Variants in AJUBA observed in about 807,000 individuals in gnomAD.
The protein encoded by AJUBA is ajuba LIM protein.
In AJUBA, 20 loss-of-function variants were observed where a neutral mutation model predicts 53.3. The observed-to-expected ratio is 0.38, with a 90% CI of 0.26 to 0.55. The LOEUF (loss-of-function observed/expected upper bound fraction) is 0.55. AJUBA is among the 20% of genes least tolerant of loss of function. The pLI is 0.80. For synonymous variants in AJUBA, 296 were observed against 306.2 expected, an observed-to-expected ratio of 0.97 and a Z score of 0.35; for missense variants, 580 against 730.5, an observed-to-expected ratio of 0.79 and a Z score of 2.38.
intron 1 of AJUBA, chr14:22,980,542 G>A (rs2045077022): frequency 5.2e-6 from 5 of 968,622 alleles, no homozygotes; most frequent in Non-Finnish European, 6.1e-6. Context: ...CTGACTTCCG[G>A]AGGATGGGGA....
At chr14:22,978,840 C>T in intron 1 of AJUBA, 2 of 1,249,494 alleles carry the variant, frequency 1.6e-6, no homozygotes, top group South Asian at 1.4e-5. Context: ...CACAGGTGCT[C>T]AGCAGCAGAC....
intron 1 of AJUBA, chr14:22,978,664 T>C: frequency 7.6e-7 from 1 of 1,324,290 alleles, no homozygotes; most frequent in Non-Finnish European, 9.7e-7. Context: ...TTTCTGAGCA[T>C]CTGTTTTGTG....
In AJUBA at chr14:22,981,555, G is replaced by A. The variant is rs1386211856; in HGVS notation, c.712C>T (p.Pro238Ser). ...ACTCCGGCCCCGGCTAGAGCTCCAG[G>A]GCTGCCCAGGGCCGGGGGATACGAG... ...RHSYPPALGS[P>S]GALAGAGVGA... The change falls in exon 1 of 8, where the codon CCT (proline) becomes TCT (serine). Residue 238 changes from proline (P) to serine (S), a missense_variant. This residue lies in a region of AJUBA where 430 missense variants were observed against 471.5 expected (regional missense o/e 0.91). Transcript: ENST00000262713. 3 of 1,579,124 alleles carry A rather than the reference G, an allele frequency of 1.9e-6. No individual in the cohort carries two copies. The highest frequency in any genetic ancestry group is 2.6e-6 in the Non-Finnish European group (3 of 1,166,832).
In AJUBA at chr14:22,982,547, C is replaced by A. The variant is rs1316928169; in HGVS notation, c.-281G>T. The A allele has an allele frequency of 8.1e-5, 105 of 1,291,640 alleles. No homozygotes were observed. Among genetic ancestry groups the A allele is most frequent in the Non-Finnish European group, 9.8e-5 (100 of 1,018,532 alleles). 80.0% of individuals were successfully genotyped at this position (1,291,640 alleles called of 1,614,324 possible). ...CTATCTGTTCACGCGTCGACTCGCC[C>A]GACTGCCCCACTCTCCCCGGCCCCC... On this transcript the variant is annotated 5_prime_UTR_variant, in exon 1 of 8. Coordinates refer to ENST00000262713, the MANE Select transcript of AJUBA (RefSeq NM_032876.6).
At position 22,981,379 on chromosome 14, in the gene AJUBA, T is replaced by C; in HGVS notation, c.888A>G (p.Gly296=). 1 of 1,613,002 alleles carries C rather than the reference T, an allele frequency of 6.2e-7. No homozygotes were observed. Among genetic ancestry groups the C allele is most frequent in the Non-Finnish European group, 8.5e-7 (1 of 1,179,898 alleles). The part of the protein sequence containing the change: ...LTVGTGGREA[G]ARGEPSGIEP... ...CAATCCCCGAGGGTTCTCCGCGGGC[T>C]CCGGCTTCTCGCCCACCGGTGCCCA... is the stretch of plus-strand genomic sequence containing the variant. Residue 296 remains glycine (G), a synonymous_variant, in exon 1 of 8, where the codon GGA becomes GGG. Coordinates refer to ENST00000262713, the MANE Select transcript of AJUBA (RefSeq NM_032876.6).
chr14:22,976,349 T>C (rs2045036315), intron 4 of AJUBA, 107 bp downstream of exon 4: 5 of 1,150,392 alleles, frequency 4.3e-6, no homozygotes, highest in South Asian at 3.7e-5. Context: ...AAGTGATTCA[T>C]CTGGTGACAG....
chr14:22,982,000 A>G lies in AJUBA; in HGVS notation c.267T>C (p.Phe89=). 1 of 1,584,216 alleles carries G rather than the reference A, an allele frequency of 6.3e-7. No individual in the cohort carries two copies. The change falls in exon 1 of 8, where the codon TTT becomes TTC. Residue 89 remains phenylalanine (F), a synonymous_variant. Coordinates refer to ENST00000262713, the MANE Select transcript of AJUBA (RefSeq NM_032876.6). The part of the protein sequence containing the change: ...SFEAPRYEGS[F]PAGPPPTRAL... ...CCCGGGTGGGCGGCGGCCCCGCGGG[A>G]AAAGAGCCTTCGTAGCGCGGCGCCT...
chr14:22,981,418 C>T lies in AJUBA; in HGVS notation c.849G>A (p.Leu283=). 1 of 1,612,430 alleles carries T rather than the reference C, an allele frequency of 6.2e-7. No individual in the cohort carries two copies. Among genetic ancestry groups the T allele is most frequent in the Non-Finnish European group, 8.5e-7 (1 of 1,179,718 alleles). ...GARYQDELTA[L]LRLTVGTGGR... is the part of the protein sequence containing the mutation. ...CACCGGTGCCCACCGTCAGGCGAAG[C>T]AAAGCTGTTAGCTCGTCCTGGTACC... Residue 283 remains leucine, a synonymous_variant, in exon 1 of 8, where the codon TTG becomes TTA. Coordinates refer to ENST00000262713, the MANE Select transcript of AJUBA (RefSeq NM_032876.6).
In AJUBA at chr14:22,971,893, G is replaced by C. The variant is rs1039068073; in HGVS notation, c.*1550C>G. The C allele has an allele frequency of 6.6e-6, 1 of 152,578 alleles. No homozygotes were observed. The highest frequency in any genetic ancestry group is 2.4e-5 in the African/African-American group (1 of 41,438). The allele number at this position is 152,578 out of a possible 1,614,324, so 9.5% of individuals were successfully genotyped here. ...TTGAATGGTAGATAACATAGAAAAAGACATCCATAAAGGTAGGAAGCAATC... is the reference window on the plus strand; with the variant it reads ...TTGAATGGTAGATAACATAGAAAAACACATCCATAAAGGTAGGAAGCAATC... On this transcript the variant is annotated 3_prime_UTR_variant, in exon 8 of 8. Transcript: ENST00000262713.
chr14:22,975,197 C>T (rs772704824), intron 4 of AJUBA, 93 bp from the exon 5 acceptor site: 40 of 1,488,864 alleles, frequency 2.7e-5, no homozygotes, highest in Non-Finnish European at 3.5e-5. Context: ...TAACCTCATC[C>T]AACCCGCTGC....
Position 22,982,178 on chromosome 14 carries a change from G to A in AJUBA, c.89C>T (p.Thr30Ile). 1.9e-6 allele frequency: 3 copies of A among 1,613,566 alleles called. No individual in the cohort carries two copies. The highest frequency in any genetic ancestry group is 2.2e-5 in the East Asian group (1 of 44,856). ...TAGGCGCCCCTTGCCCGGCCCGGGG[G>A]TCCCGTCAGACCCAGACCGGCTAGA... is the stretch of plus-strand genomic sequence containing the variant. ...GESSRSGSDG[T>I]PGPGKGRLSG... Residue 30 changes from threonine to isoleucine, a missense_variant, in exon 1 of 8, where the codon ACC becomes ATC. Physicochemically the swap from Thr to Ile is moderately conservative, Grantham distance 89. Coordinates refer to ENST00000262713, the MANE Select transcript of AJUBA (RefSeq NM_032876.6).
chr14:22,981,276 T>C lies in AJUBA; in HGVS notation c.991A>G (p.Arg331Gly), dbSNP rs1335545852. ...TCTCACTCACCGAAGTAGTCCTCCC[T>C]GGCCTCTGGCTCCCGCATCCGGGCC... ...ARARMREPEA[R>G]EDYFGTCIKC... Residue 331 changes from arginine to glycine, a missense_variant, in exon 1 of 8, where the codon AGG becomes GGG. This residue lies in a region of AJUBA where 430 missense variants were observed against 471.5 expected (regional missense o/e 0.91). Transcript: ENST00000262713. 2 of 1,609,854 alleles carry C rather than the reference T, an allele frequency of 1.2e-6. No individual in the cohort carries two copies. Among genetic ancestry groups the C allele is most frequent in the Non-Finnish European group, 1.7e-6 (2 of 1,177,506 alleles).
intron 1 of AJUBA, 94 bp from the exon 2 acceptor site, chr14:22,978,539 C>G: frequency 6.6e-7 from 1 of 1,526,152 alleles, no homozygotes. Context: ...TGCCAGGGGT[C>G]ACAGTCTCCC....
rs76039198 is a variant in AJUBA, at chr14:22,978,304, G to A, written c.1108+40C>T. ...ATAGCACTTGTAAGTGTGTATGTGG[G>A]CAGGGGAGGGGAGTGCTTGAGTATT... On this transcript the variant is annotated intron_variant, in intron 2 of 7. Coordinates refer to ENST00000262713, the MANE Select transcript of AJUBA (RefSeq NM_032876.6). 732 of 1,562,750 alleles carry A rather than the reference G, an allele frequency of 4.7e-4. 3 individuals are homozygous for A. In the African/African-American group the frequency reaches 9.0e-3, roughly 19 times the overall value.
At chr14:22,981,189 G>C in intron 1 of AJUBA, 72 bp downstream of exon 1, 1 of 1,499,766 alleles carries the variant, frequency 6.7e-7, no homozygotes, top group Non-Finnish European at 8.9e-7. Flanking sequence ...CGGCACTTTG[G>C]GCCGTCGGGG....
Position 22,981,955 on chromosome 14 carries a change from C to T in AJUBA, c.312G>A (p.Ser104=). The T allele has an allele frequency of 1.3e-6, 2 of 1,573,600 alleles. No individual in the cohort carries two copies. Among genetic ancestry groups the T allele is most frequent in the Non-Finnish European group, 1.7e-6 (2 of 1,164,010 alleles). Residue 104 remains serine, a synonymous_variant, in exon 1 of 8, where the codon TCG becomes TCA. Transcript: ENST00000262713. ...GCTCCAGCCGAAAATCGGGGGGCAA[C>T]GACTGAGGTAGAGGCAAGGCCCGGG... The part of the protein sequence containing the change: ...PPTRALPLPQ[S]LPPDFRLEPT...
In AJUBA at chr14:22,979,001, G is replaced by C; in HGVS notation, c.1007-556C>G. On this transcript the variant is annotated intron_variant, in intron 1 of 7. Coordinates refer to ENST00000262713, the MANE Select transcript of AJUBA (RefSeq NM_032876.6). This position sits in a 1 kb window ranked among gnomAD's most constrained non-coding sequence, Gnocchi z 4.0. ...GGAGAAAAGGATCTGGCTTGGCAGA[G>C]GGCTCCGTGCAGAGGGGACCATGTG... is the stretch of plus-strand genomic sequence containing the variant. 2 of 1,289,202 alleles carry C rather than the reference G, an allele frequency of 1.6e-6. No homozygotes were observed. Among genetic ancestry groups the C allele is most frequent in the Non-Finnish European group, 2.0e-6 (2 of 988,702 alleles). 79.9% of individuals were successfully genotyped at this position (1,289,202 alleles called of 1,614,324 possible).
At position 22,982,114 on chromosome 14, in the gene AJUBA, T is replaced by A. The variant is rs2045107097; in HGVS notation, c.153A>T (p.Gly51=). The change falls in exon 1 of 8, where the codon GGA becomes GGT. Residue 51 remains glycine, a synonymous_variant. Coordinates refer to ENST00000262713, the MANE Select transcript of AJUBA (RefSeq NM_032876.6). ...LGGPRKSGPR[G]ATGGPGDEPL... ...GCTCATCCCCAGGTCCCCCAGTAGCTCCTCGGGGCCCTGACTTCCTAGGTC... is the reference window on the plus strand; with the variant it reads ...GCTCATCCCCAGGTCCCCCAGTAGCACCTCGGGGCCCTGACTTCCTAGGTC... 1.3e-6 allele frequency: 2 copies of A among 1,597,994 alleles called. No homozygotes were observed. The highest frequency in any genetic ancestry group is 4.5e-5 in the East Asian group (2 of 44,710).
At chr14:22,980,073 A>T (rs2045073194) in intron 1 of AJUBA, among the ~76,000 whole-genome samples, 1 of 151,692 alleles carries the variant, frequency 6.6e-6, no homozygotes, top group South Asian at 2.1e-4. Flanking sequence ...CTACCCAACC[A>T]TCCCTCCCTG....
Sources: allele counts gnomAD v4.1 joint callset (sites outside exome capture counted in the v4.1 genomes callset), GRCh38; gene constraint gnomAD v4.1.1; regional missense constraint gnomAD v4.1.1; non-coding constraint Gnocchi (gnomAD v3.1); transcripts MANE v1.5; gene names NCBI Gene and HGNC (gene_info 2026-07-23, HGNC 2026-07-21).